The following ANKRD28 variants were observed in gnomAD, a reference collection of about 807,000 sequenced individuals.
ANKRD28 encodes serine/threonine-protein phosphatase 6 regulatory ankyrin repeat subunit A.
In ANKRD28, 44 loss-of-function variants were observed where a neutral mutation model predicts 126.5. That is an observed-to-expected ratio of 0.35 (90% CI 0.27 to 0.45). The LOEUF (loss-of-function observed/expected upper bound fraction) is 0.45. Ranked by LOEUF, ANKRD28 falls within the 20% of genes least tolerant of loss-of-function variation. The pLI, the probability that ANKRD28 is intolerant of heterozygous loss-of-function variation, is 1.00. For missense variants in ANKRD28, 1,110 were observed against 1,316.6 expected, an observed-to-expected ratio of 0.84 and a Z score of 2.43; for synonymous variants, 442 against 468.5, an observed-to-expected ratio of 0.94 and a Z score of 0.73.
intron 21 of ANKRD28, among the ~76,000 whole-genome samples, chr3:15,681,893 T>C (rs944615237): frequency 4.6e-5 from 7 of 152,166 alleles, no homozygotes; most frequent in African/African-American, 1.7e-4. Flanking sequence ...GAGAGTCCCT[T>C]GCAACAATCA....
rs188556467 is a variant in ANKRD28, at chr3:15,753,721, T to C, written c.281-1901A>G. On this transcript the variant is annotated intron_variant, in intron 3 of 27. Transcript: ENST00000683139. ...CTTTTGGGAGGCTGAGGTGGGCAGATTGCTTGAAGACAGGAGTTCAAGACC... is the reference window on the plus strand; with the variant it reads ...CTTTTGGGAGGCTGAGGTGGGCAGACTGCTTGAAGACAGGAGTTCAAGACC... Among the ~76,000 whole-genome samples, 274 of 142,850 alleles carry C rather than the reference T, an allele frequency of 1.9e-3. 5 individuals carry two copies. Among genetic ancestry groups the C allele is most frequent in the African/African-American group, 4.2e-4 (14 of 32,990 alleles). The allele number at this position is 142,850 out of a possible 152,430, so 93.7% of individuals were successfully genotyped here. A position where few individuals can be genotyped will look rare whatever the true frequency, so the allele number is the denominator to read the frequency against.
At chr3:15,780,269 CAACA>C (rs1162438599) in intron 2 of ANKRD28, among the ~76,000 whole-genome samples, 1 of 151,890 alleles carries the variant, frequency 6.6e-6, no homozygotes, top group African/African-American at 2.4e-5. Flanking sequence ...TGTATACTAA[CAACA>C]AACTATCTAA....
At chr3:15,856,845 T>C (rs1202052900) in intron 1 of ANKRD28, among the ~76,000 whole-genome samples, 1 of 152,194 alleles carries the variant, frequency 6.6e-6, no homozygotes, top group Non-Finnish European at 1.5e-5. Flanking sequence ...AAACTGTAGT[T>C]TACAAAGCCA....
chr3:15,783,329 T>C (rs61130649), intron 2 of ANKRD28, among the ~76,000 whole-genome samples: 20,978 of 151,998 alleles, frequency 0.14, 2,182 homozygotes, highest in East Asian at 0.58. Flanking sequence ...AATTGAGATA[T>C]TACTATTATT....
intron 1 of ANKRD28, among the ~76,000 whole-genome samples, chr3:15,806,176 G>A (rs576875557): frequency 5.3e-5 from 8 of 152,144 alleles, no homozygotes; most frequent in East Asian, 1.9e-4. Context: ...AAATTTTCAC[G>A]CCTTCGATAA....
chr3:15,717,630 AC>A (rs1355740501), intron 8 of ANKRD28, among the ~76,000 whole-genome samples: 1 of 152,184 alleles, frequency 6.6e-6, no homozygotes, highest in East Asian at 1.9e-4. Context: ...CAAACACTTC[AC>A]AGTATTTTTT....
chr3:15,778,613 C>T (rs1325564259), intron 2 of ANKRD28, among the ~76,000 whole-genome samples: 2 of 152,170 alleles, frequency 1.3e-5, no homozygotes, highest in African/African-American at 4.8e-5. Context: ...TCAAATCCCT[C>T]TCATACGTCT....
Position 15,853,900 on chromosome 3 carries a change from AG to A in ANKRD28, c.27+5476del, listed in dbSNP as rs1456917254. Among the ~76,000 whole-genome samples the A allele has an allele frequency of 6.6e-6, 1 of 152,208 alleles. No homozygotes were observed. The highest frequency in any genetic ancestry group is 1.5e-5 in the Non-Finnish European group (1 of 68,040). On this transcript the variant is annotated intron_variant, in intron 1 of 27. Transcript: ENST00000399451. This position sits in a 1 kb window ranked among gnomAD's most constrained non-coding sequence, Gnocchi z 4.2. ...GTAGATACAAACAGGTCATTAATAT[AG>A]CTATGAGAAATATTTTAAGATATAC...
intron 1 of ANKRD28, among the ~76,000 whole-genome samples, chr3:15,820,854 T>C (rs2060928203): frequency 1.3e-5 from 2 of 152,228 alleles, no homozygotes; most frequent in African/African-American, 4.8e-5. Flanking sequence ...CAGATAATAC[T>C]GTTTTCCTTT....
Position 15,727,744 on chromosome 3 carries a change from G to GAGAACT in ANKRD28, c.641-3226_641-3221dup, listed in dbSNP as rs2074286103. Among the ~76,000 whole-genome samples, 5 of 152,178 alleles carry GAGAACT rather than the reference G, an allele frequency of 3.3e-5. No homozygotes were observed. In the South Asian group the frequency reaches 1.0e-3, roughly 32 times the overall value. ...ACTACAGATGTGGTAGAAATAGCAA[G>GAGAACT]AGAACTAGAATAAGAAGTGGAGTCT... On this transcript the variant is annotated intron_variant, in intron 6 of 27. Transcript: ENST00000683139.
At chr3:15,753,711 G>A (rs534651827) in intron 3 of ANKRD28, among the ~76,000 whole-genome samples, 102 of 148,158 alleles carry the variant, frequency 6.9e-4, no homozygotes, top group African/African-American at 2.7e-3. Context: ...GGGAGGCTGA[G>A]GTGGGCAGAT....
rs994749975 is a variant in ANKRD28 at position 15,709,847 on chromosome 3, A to C, written c.1338-111T>G. 30 of 623,652 alleles carry C rather than the reference A, an allele frequency of 4.8e-5. No homozygotes were observed. The Middle Eastern group carries it at 1.4e-3, about 28-fold the overall frequency. 38.6% of individuals were successfully genotyped at this position (623,652 alleles called of 1,614,324 possible). ...TTTTTATATGAAGATAAATGTGACA[A>C]AAATGATGATTTACATTCTATGAAG... On this transcript the variant is annotated intron_variant, in intron 12 of 27. Transcript: ENST00000683139.
intron 2 of ANKRD28, among the ~76,000 whole-genome samples, chr3:15,785,439 G>A (rs763628081): frequency 1.3e-5 from 2 of 152,012 alleles, no homozygotes; most frequent in Non-Finnish European, 2.9e-5. Context: ...AAGATATACA[G>A]ATGGCAAATA....
rs1575722448 is a variant in ANKRD28, at chr3:15,797,308, T to C, written c.-787A>G. 4 of 985,080 alleles carry C rather than the reference T, an allele frequency of 4.1e-6. No homozygotes were observed. Among genetic ancestry groups the C allele is most frequent in the African/African-American group, 1.7e-5 (1 of 57,228 alleles). 61.0% of individuals were successfully genotyped at this position (985,080 alleles called of 1,614,324 possible). On this transcript the variant is annotated 5_prime_UTR_variant, in exon 1 of 28. Transcript: ENST00000683139. ...GACAATACGACTCTTGGTACTAGAATACAGCTTGATTAATCCAGGTTTCCC... is the reference window on the plus strand; with the variant it reads ...GACAATACGACTCTTGGTACTAGAACACAGCTTGATTAATCCAGGTTTCCC...
At position 15,695,208 on chromosome 3, in the gene ANKRD28, T is replaced by C. The variant is rs751244612; in HGVS notation, c.1666A>G (p.Ser556Gly). The C allele has an allele frequency of 1.9e-6, 3 of 1,589,894 alleles. No individual in the cohort carries two copies. Among genetic ancestry groups the C allele is most frequent in the Admixed American group, 3.5e-5 (2 of 57,152 alleles). The change falls in exon 16 of 28, where the codon AGT (serine) becomes GGT (glycine). Residue 556 changes from serine to glycine, a missense_variant. Physicochemically the swap from Ser to Gly is moderately conservative, Grantham distance 56 (BLOSUM62 0). Coordinates refer to ENST00000683139, the MANE Select transcript of ANKRD28 (RefSeq NM_001349278.2). The part of the protein sequence containing the change: ...GHRLCLQLIA[S>G]ETPLDVLMET... ...CTTACAACATCTAGAGGAGTTTCACTTGCAATCTGAAATAAAAGTCAAAAC... is the reference window on the plus strand; with the variant it reads ...CTTACAACATCTAGAGGAGTTTCACCTGCAATCTGAAATAAAAGTCAAAAC...
chr3:15,673,486 T>C (rs1449364380), intron 27 of ANKRD28, among the ~76,000 whole-genome samples: 2 of 152,190 alleles, frequency 1.3e-5, no homozygotes, highest in African/African-American at 2.4e-5. Context: ...GGAGCTTACA[T>C]TCACTTTAGT....
At chr3:15,796,352 T>G (rs1017032858) in intron 1 of ANKRD28, 53 bp downstream of exon 1, 11 of 1,044,748 alleles carry the variant, frequency 1.1e-5, no homozygotes, top group African/African-American at 3.4e-5. Flanking sequence ...AAAACAAGAT[T>G]TATACTACTA....
rs1343126908 is a variant in ANKRD28, at chr3:15,796,788, C to T, written c.-267G>A. 2.0e-6 allele frequency: 2 copies of T among 991,466 alleles called. No individual in the cohort carries two copies. Among genetic ancestry groups the T allele is most frequent in the Non-Finnish European group, 2.4e-6 (2 of 833,358 alleles). 61.4% of individuals were successfully genotyped at this position (991,466 alleles called of 1,614,324 possible). A position where few individuals can be genotyped will look rare whatever the true frequency, so the allele number is the denominator to read the frequency against. ...TACTTAAGAAGAAATTTCACACCAA[C>T]ATGTCAATAACTAAAACTGAGTCCA... On this transcript the variant is annotated 5_prime_UTR_variant, in exon 1 of 28. It removes an upstream start codon present in the reference 5' UTR. Transcript: ENST00000683139.
intron 2 of ANKRD28, among the ~76,000 whole-genome samples, chr3:15,776,928 T>C (rs1456077806): frequency 2.0e-5 from 3 of 152,222 alleles, no homozygotes; most frequent in Non-Finnish European, 1.5e-5. Flanking sequence ...GAACAGTCGT[T>C]GCTTTTGTTG....
Sources: allele counts gnomAD v4.1 joint callset (sites outside exome capture counted in the v4.1 genomes callset), GRCh38; gene constraint gnomAD v4.1.1; non-coding constraint Gnocchi (gnomAD v3.1); transcripts MANE v1.5; gene names NCBI Gene and HGNC (gene_info 2026-07-23, HGNC 2026-07-21).